The following DYNC1I1 variants were observed in gnomAD, a reference collection of about 807,000 sequenced individuals.
DYNC1I1 encodes dynein cytoplasmic 1 intermediate chain 1, also known as cytoplasmic dynein 1 intermediate chain 1.
DYNC1I1 carries 43 observed loss-of-function variants against 86.6 expected under a neutral mutation model. The observed-to-expected ratio is 0.50, with a 90% CI of 0.39 to 0.64. The LOEUF is 0.64. Among genes scored for constraint, DYNC1I1 ranks in the 30% least tolerant of loss-of-function variants. The pLI, the probability that DYNC1I1 is intolerant of heterozygous loss-of-function variation, is 0.00. For synonymous variants in DYNC1I1, 262 were observed against 283.7 expected (o/e 0.92, Z 0.77); for missense variants, 604 against 788.8 (o/e 0.77, Z 2.81).
intron 16 of DYNC1I1, among the ~76,000 whole-genome samples, chr7:96,095,780 T>C (rs13231208): frequency 0.21 from 31,415 of 151,966 alleles, 3,738 homozygotes; most frequent in East Asian, 0.37. Context: ...TTGTTTGTAT[T>C]GTACATTTTG....
Position 95,959,877 on chromosome 7 carries a change from C to T in DYNC1I1, c.491-17635C>T, listed in dbSNP as rs74900666. On this transcript the variant is annotated intron_variant, in intron 6 of 16. Coordinates refer to ENST00000447467, the MANE Select transcript of DYNC1I1 (RefSeq NM_001135556.2). ...ATGTTAGCCAAGTTAGCAGCATCCCCGAGCCCAGGAAGTCCAACTGCAAAG... is the reference window on the plus strand; with the variant it reads ...ATGTTAGCCAAGTTAGCAGCATCCCTGAGCCCAGGAAGTCCAACTGCAAAG... Among the ~76,000 whole-genome samples the T allele has an allele frequency of 3.3e-4, 51 of 152,240 alleles. 2 individuals carry two copies. The East Asian group carries it at 7.9e-3, about 24-fold the overall frequency.
intron 1 of DYNC1I1, among the ~76,000 whole-genome samples, chr7:95,796,277 A>G (rs1223637646): frequency 6.6e-6 from 1 of 152,058 alleles, no homozygotes; most frequent in Non-Finnish European, 1.5e-5. Flanking sequence ...AATCTTTCAC[A>G]CATTGTTCTA....
chr7:96,102,959 A>C (rs1791157009), downstream of DYNC1I1, among the ~76,000 whole-genome samples: 2 of 152,192 alleles, frequency 1.3e-5, no homozygotes, highest in Admixed American at 6.5e-5. Context: ...CCAACTCATA[A>C]AGTTGAATAG....
intron 5 of DYNC1I1, among the ~76,000 whole-genome samples, chr7:95,835,489 T>C (rs980528876): frequency 1.3e-5 from 2 of 151,488 alleles, no homozygotes; most frequent in Non-Finnish European, 2.9e-5. Context: ...CTATTAGGTC[T>C]GCTTGGTGCA....
chr7:95,874,840 C>G (rs547519380), intron 6 of DYNC1I1, among the ~76,000 whole-genome samples: 1 of 152,334 alleles, frequency 6.6e-6, no homozygotes, highest in South Asian at 2.1e-4. Context: ...CTTGTTTAAG[C>G]CACCCAGTTT....
chr7:95,845,424 C>T (rs1351160672), intron 5 of DYNC1I1, among the ~76,000 whole-genome samples: 1 of 152,272 alleles, frequency 6.6e-6, no homozygotes, highest in East Asian at 1.9e-4. Flanking sequence ...ACAGATGTAA[C>T]CCCATTAGCC....
intron 7 of DYNC1I1, among the ~76,000 whole-genome samples, chr7:95,982,432 T>C (rs1249333238): frequency 6.6e-6 from 1 of 152,284 alleles, no homozygotes; most frequent in South Asian, 2.1e-4. Context: ...GCCATTTATG[T>C]TTCTGTTAGA....
intron 10 of DYNC1I1, among the ~76,000 whole-genome samples, chr7:96,004,575 T>C (rs1316710199): frequency 2.6e-5 from 4 of 152,052 alleles, no homozygotes; most frequent in Non-Finnish European, 4.4e-5. Flanking sequence ...ATGATAAATA[T>C]AGTCTTCTGA....
intron 1 of DYNC1I1, among the ~76,000 whole-genome samples, chr7:95,792,131 C>T (rs1794319273): frequency 6.6e-6 from 1 of 152,186 alleles, no homozygotes; most frequent in Non-Finnish European, 1.5e-5. Context: ...TTAGACATGG[C>T]CCCTGTCTTA....
At chr7:95,923,016 C>G (rs1013781798) in intron 6 of DYNC1I1, among the ~76,000 whole-genome samples, 5 of 152,046 alleles carry the variant, frequency 3.3e-5, no homozygotes, top group Admixed American at 1.3e-4. Flanking sequence ...AAATTAATTT[C>G]AATTAAAATT....
intron 6 of DYNC1I1, among the ~76,000 whole-genome samples, chr7:95,887,323 T>C (rs575054800): frequency 6.6e-6 from 1 of 152,294 alleles, no homozygotes; most frequent in South Asian, 2.1e-4. Flanking sequence ...TAAAAACTAC[T>C]TCATTCTCCT....
intron 6 of DYNC1I1, among the ~76,000 whole-genome samples, chr7:95,976,966 G>C (rs536178790): frequency 6.6e-6 from 1 of 152,274 alleles, no homozygotes; most frequent in South Asian, 2.1e-4. Context: ...ATACCATTTT[G>C]AGTTGTTTTC....
chr7:95,876,590 A>G (rs1790314692), intron 6 of DYNC1I1, among the ~76,000 whole-genome samples: 1 of 152,192 alleles, frequency 6.6e-6, no homozygotes, highest in Non-Finnish European at 1.5e-5. Context: ...TCACAAAGAC[A>G]AACAGAAAAG....
intron 5 of DYNC1I1, among the ~76,000 whole-genome samples, chr7:95,845,391 G>A (rs1285221534): frequency 1.3e-5 from 2 of 152,182 alleles, no homozygotes; most frequent in Non-Finnish European, 2.9e-5. Context: ...ACATTTTAAA[G>A]TTATTGCCAT....
chr7:95,993,602 G>A (rs745520542), intron 9 of DYNC1I1, among the ~76,000 whole-genome samples: 5 of 152,086 alleles, frequency 3.3e-5, no homozygotes, highest in Non-Finnish European at 5.9e-5. Flanking sequence ...TGATTCATCC[G>A]CTGCAGAGTG....
At chr7:96,047,151 C>G (rs946308455) in intron 14 of DYNC1I1, among the ~76,000 whole-genome samples, 5 of 152,150 alleles carry the variant, frequency 3.3e-5, no homozygotes, top group Non-Finnish European at 7.4e-5. Context: ...TCCTTGAAGC[C>G]TCTTTTATAA....
intron 1 of DYNC1I1, among the ~76,000 whole-genome samples, chr7:95,789,510 T>A (rs1794237644): frequency 6.6e-6 from 1 of 152,216 alleles, no homozygotes; most frequent in South Asian, 2.1e-4. Flanking sequence ...TCTTTAATCG[T>A]CTGGTAGATT....
intron 5 of DYNC1I1, among the ~76,000 whole-genome samples, chr7:95,869,038 C>G (rs911199311): frequency 1.3e-5 from 2 of 152,114 alleles, no homozygotes; most frequent in Non-Finnish European, 2.9e-5. Flanking sequence ...AACAACGGAC[C>G]AAGACTCATA....
At chr7:95,952,956 C>T (rs1278301088) in intron 6 of DYNC1I1, among the ~76,000 whole-genome samples, 1 of 151,684 alleles carries the variant, frequency 6.6e-6, no homozygotes, top group Non-Finnish European at 1.5e-5. Context: ...CACTAGATCT[C>T]AAGAGTCCAG....
Sources: gnomAD v4.1 joint callset for allele counts (sites outside exome capture counted in the v4.1 genomes callset) on GRCh38, gnomAD v4.1.1 for gene constraint, MANE v1.5 for transcripts, NCBI Gene and HGNC (gene_info 2026-07-23, HGNC 2026-07-21) for gene names.